Variants in SPATA17 observed in about 807,000 individuals in gnomAD.
SPATA17 encodes the protein spermatogenesis-associated protein 17.
Under a neutral mutation model 62.2 loss-of-function variants are expected in SPATA17, and 53 were observed. The observed-to-expected ratio is 0.85, with a 90% CI of 0.68 to 1.07. The LOEUF (loss-of-function observed/expected upper bound fraction) is 1.07. Ranked by LOEUF, SPATA17 falls within the 50% of genes least tolerant of loss-of-function variation. SPATA17 has a pLI of 0.00. For synonymous variants in SPATA17, 146 were observed against 146.8 expected, an observed-to-expected ratio of 0.99 and a Z score of 0.04; for missense variants, 466 against 425.5, an observed-to-expected ratio of 1.10 and a Z score of -0.84.
At chr1:217,721,824 T>C (rs1453650890) in intron 5 of SPATA17, among the ~76,000 whole-genome samples, 1 of 152,156 alleles carries the variant, frequency 6.6e-6, no homozygotes, top group African/African-American at 2.4e-5. Flanking sequence ...GGCTGTCTTA[T>C]ACAAATGATA....
At chr1:217,770,994 T>A (rs1673429465) in intron 6 of SPATA17, among the ~76,000 whole-genome samples, 2 of 130,126 alleles carry the variant, frequency 1.5e-5, no homozygotes, top group South Asian at 5.6e-4. Flanking sequence ...TTTTTTTTTT[T>A]TTTTTTTTTT....
intron 8 of SPATA17, among the ~76,000 whole-genome samples, chr1:217,788,879 T>C (rs1434409995): frequency 4.6e-5 from 7 of 152,154 alleles, no homozygotes; most frequent in Admixed American, 6.6e-5. Context: ...TAAATGCAAG[T>C]GTTCTTCCTA....
At position 217,870,150 on chromosome 1, in the gene SPATA17, C is replaced by T. The variant is rs867696405; in HGVS notation, c.*3131C>T. 6.6e-6 allele frequency: 1 copy of T among 152,112 alleles called. No homozygotes were observed. Among genetic ancestry groups the T allele is most frequent in the African/African-American group, 2.4e-5 (1 of 41,434 alleles). The allele number at this position is 152,112 out of a possible 1,614,324, so 9.4% of individuals were successfully genotyped here. A position where few individuals can be genotyped will look rare whatever the true frequency, so the allele number is the denominator to read the frequency against. ...TCCCACATGTTCGTAAAAATGGTAG[C>T]CATGGCCCCTGACTGAACCCAGGTA... On this transcript the variant is annotated 3_prime_UTR_variant, in exon 11 of 11. Coordinates refer to ENST00000366933, the MANE Select transcript of SPATA17 (RefSeq NM_138796.4).
intron 5 of SPATA17, among the ~76,000 whole-genome samples, chr1:217,706,464 G>A (rs753505282): frequency 1.3e-5 from 2 of 152,152 alleles, no homozygotes; most frequent in Non-Finnish European, 2.9e-5. Context: ...GTTCCCCCAT[G>A]CTGTTTTGTG....
At chr1:217,650,716 G>A (rs765493309) in intron 2 of SPATA17, among the ~76,000 whole-genome samples, 2 of 152,214 alleles carry the variant, frequency 1.3e-5, no homozygotes, top group African/African-American at 4.8e-5. Flanking sequence ...GAGCCACTGC[G>A]CCCGGCCCTC....
intron 5 of SPATA17, among the ~76,000 whole-genome samples, chr1:217,714,115 C>T (rs538105421): frequency 3.3e-5 from 5 of 152,054 alleles, no homozygotes; most frequent in African/African-American, 9.7e-5. Context: ...CGGCTGGGCA[C>T]GGTGGCTCAC....
intron 9 of SPATA17, among the ~76,000 whole-genome samples, chr1:217,802,947 C>G (rs1469337584): frequency 6.6e-6 from 1 of 152,130 alleles, no homozygotes; most frequent in Non-Finnish European, 1.5e-5. Context: ...AAGTCTCGCT[C>G]TGTCGCTCAG....
intron 5 of SPATA17, among the ~76,000 whole-genome samples, chr1:217,705,430 CT>C (rs58138326): frequency 2.3e-3 from 109 of 46,622 alleles, no homozygotes; most frequent in East Asian, 0.019. Flanking sequence ...TTCTAGTTGT[CT>C]TTTTTTTTTT....
chr1:217,719,365 C>T (rs551544653), intron 5 of SPATA17, among the ~76,000 whole-genome samples: 39 of 152,310 alleles, frequency 2.6e-4, no homozygotes, highest in African/African-American at 9.4e-4. Context: ...CATTCCTTCT[C>T]TACCATTCAG....
At chr1:217,690,752 T>G (rs1490898335) in intron 5 of SPATA17, among the ~76,000 whole-genome samples, 1 of 127,762 alleles carries the variant, frequency 7.8e-6, no homozygotes, top group Non-Finnish European at 1.6e-5. Flanking sequence ...TGGTTTTTTG[T>G]TCTTGCGATA....
Position 217,712,136 on chromosome 1 carries a change from T to G in SPATA17, c.395+28775T>G, listed in dbSNP as rs560970088. ...AAGTTCTACAATATGTTCTTTTGTTTTTTTTTTTTTACGGAGTTTCGCTCT... is the reference window on the plus strand; with the variant it reads ...AAGTTCTACAATATGTTCTTTTGTTGTTTTTTTTTTACGGAGTTTCGCTCT... On this transcript the variant is annotated intron_variant, in intron 5 of 10. Coordinates refer to ENST00000366933, the MANE Select transcript of SPATA17 (RefSeq NM_138796.4). Among the ~76,000 whole-genome samples the G allele has an allele frequency of 1.4e-3, 203 of 149,694 alleles. 4 individuals are homozygous for G. Among genetic ancestry groups the G allele is most frequent in the African/African-American group, 4.8e-3 (194 of 40,786 alleles).
chr1:217,674,970 T>C (rs1401278745), intron 4 of SPATA17, among the ~76,000 whole-genome samples: 1 of 152,082 alleles, frequency 6.6e-6, no homozygotes, highest in East Asian at 1.9e-4. Flanking sequence ...AAAGAACCAA[T>C]TGGGAAAGGG....
intron 8 of SPATA17, among the ~76,000 whole-genome samples, chr1:217,783,979 T>A (rs1272404379): frequency 1.3e-5 from 2 of 152,134 alleles, no homozygotes; most frequent in African/African-American, 4.8e-5. Flanking sequence ...AAGTTGCAGA[T>A]GCTAAAAAAA....
chr1:217,846,874 A>G (rs1191483815), intron 9 of SPATA17, among the ~76,000 whole-genome samples: 1 of 152,120 alleles, frequency 6.6e-6, no homozygotes, highest in East Asian at 1.9e-4. Flanking sequence ...AGAATATAAC[A>G]TAAATTATTT....
At chr1:217,760,436 T>G (rs953174080) in intron 6 of SPATA17, among the ~76,000 whole-genome samples, 2 of 152,214 alleles carry the variant, frequency 1.3e-5, no homozygotes, top group South Asian at 2.1e-4. Context: ...ATAGATACTT[T>G]AATAATTTTC....
intron 5 of SPATA17, among the ~76,000 whole-genome samples, chr1:217,740,297 T>C (rs1672600675): frequency 6.6e-6 from 1 of 152,022 alleles, no homozygotes; most frequent in Non-Finnish European, 1.5e-5. Context: ...ATTGGATACA[T>C]GCATTTCTGA....
intron 1 of SPATA17, 106 bp from the exon 2 acceptor site, chr1:217,648,776 T>A: frequency 3.5e-6 from 2 of 571,656 alleles, no homozygotes; most frequent in Non-Finnish European, 2.9e-6. Context: ...ACATTTGAAT[T>A]TATAATTATC....
At chr1:217,798,017 G>A (rs1055068309) in intron 8 of SPATA17, among the ~76,000 whole-genome samples, 5 of 152,162 alleles carry the variant, frequency 3.3e-5, no homozygotes, top group Non-Finnish European at 7.3e-5. Flanking sequence ...TTGGCATGAG[G>A]AGGCTGCTCA....
chr1:217,791,659 T>C lies in SPATA17; in HGVS notation c.872+9337T>C, dbSNP rs556033945. On this transcript the variant is annotated intron_variant, in intron 8 of 10. Transcript: ENST00000366933. ...ACTTTCAGTGATATGCTTGAGAATA[T>C]GTACTTTTAGTATATATCATCAGAC... Among the ~76,000 whole-genome samples the C allele has an allele frequency of 3.3e-4, 50 of 152,356 alleles. No individual in the cohort carries two copies. The South Asian group carries it at 0.01, about 31-fold the overall frequency.
Sources: allele counts gnomAD v4.1 joint callset (sites outside exome capture counted in the v4.1 genomes callset), GRCh38; gene constraint gnomAD v4.1.1; transcripts MANE v1.5; gene names NCBI Gene and HGNC (gene_info 2026-07-23, HGNC 2026-07-21).